Variants in ENPP6 observed in about 807,000 individuals in gnomAD.
ENPP6 encodes glycerophosphocholine cholinephosphodiesterase ENPP6.
ENPP6 carries 32 observed loss-of-function variants against 42.0 expected under a neutral mutation model. The ratio of observed to expected loss-of-function variants is 0.76; its 90% CI spans 0.58 to 1.02. ENPP6 has a LOEUF of 1.02. ENPP6 is among the 50% of genes least tolerant of loss of function. The pLI is 0.00. For missense variants in ENPP6, 552 were observed against 566.8 expected (o/e 0.97, Z 0.27); for synonymous variants, 213 against 216.0 (o/e 0.99, Z 0.12).
At chr4:184,102,679 C>T (rs1736026407) in intron 6 of ENPP6, among the ~76,000 whole-genome samples, 1 of 152,220 alleles carries the variant, frequency 6.6e-6, no homozygotes, top group African/African-American at 2.4e-5. Flanking sequence ...TGTTGCAGGG[C>T]CTTGCCTGGT....
intron 1 of ENPP6, among the ~76,000 whole-genome samples, chr4:184,190,096 C>A (rs1383240390): frequency 6.6e-6 from 1 of 152,190 alleles, no homozygotes; most frequent in African/African-American, 2.4e-5. Flanking sequence ...ACCTACCACA[C>A]ACCATGTCGC....
chr4:184,137,405 T>C (rs953979292), intron 2 of ENPP6, among the ~76,000 whole-genome samples: 2 of 152,150 alleles, frequency 1.3e-5, no homozygotes, highest in African/African-American at 4.8e-5. Flanking sequence ...CCTATAGTGG[T>C]TTTGGGTCTA....
At chr4:184,153,462 C>T (rs1737091915) in intron 2 of ENPP6, 92 bp downstream of exon 2, 2 of 1,398,034 alleles carry the variant, frequency 1.4e-6, no homozygotes, top group South Asian at 3.0e-5. Flanking sequence ...TTTTCCAAAC[C>T]ACGGCTTGGT....
chr4:184,116,394 T>C (rs1350947201), intron 5 of ENPP6, among the ~76,000 whole-genome samples: 1 of 152,094 alleles, frequency 6.6e-6, no homozygotes, highest in Admixed American at 6.5e-5. Flanking sequence ...AGGTCATCTG[T>C]CTCCAGCACC....
chr4:184,206,420 G>A (rs1733001357), intron 1 of ENPP6, among the ~76,000 whole-genome samples: 1 of 116,658 alleles, frequency 8.6e-6, no homozygotes, highest in African/African-American at 3.4e-5. Context: ...ACCAGGCCCG[G>A]CTAATTTTTG....
intron 1 of ENPP6, among the ~76,000 whole-genome samples, chr4:184,171,317 G>A (rs1737457483): frequency 6.6e-6 from 1 of 152,226 alleles, no homozygotes; most frequent in Admixed American, 6.5e-5. Context: ...TGGTGACCAT[G>A]CTCCAGGCAT....
At chr4:184,193,248 T>C (rs1360762332) in intron 1 of ENPP6, among the ~76,000 whole-genome samples, 3 of 152,190 alleles carry the variant, frequency 2.0e-5, no homozygotes, top group Admixed American at 2.0e-4. Flanking sequence ...TGTTCATCGA[T>C]TGGTGAATGA....
At chr4:184,179,054 C>T (rs545826192) in intron 1 of ENPP6, among the ~76,000 whole-genome samples, 10 of 152,156 alleles carry the variant, frequency 6.6e-5, no homozygotes, top group East Asian at 3.9e-4. Context: ...ATGGGATAAA[C>T]GTCCCAATTA....
chr4:184,117,245 G>A (rs924430913), intron 4 of ENPP6, among the ~76,000 whole-genome samples: 3 of 152,172 alleles, frequency 2.0e-5, no homozygotes, highest in Non-Finnish European at 2.9e-5. Context: ...CTCAATTCGT[G>A]CTGACACCTT....
intron 1 of ENPP6, among the ~76,000 whole-genome samples, chr4:184,214,905 G>A (rs1394410602): frequency 2.6e-5 from 4 of 152,106 alleles, no homozygotes; most frequent in South Asian, 4.1e-4. Flanking sequence ...TCTAGATGAC[G>A]AGTTGACAGG....
At chr4:184,151,167 G>A (rs1454666121) in intron 2 of ENPP6, among the ~76,000 whole-genome samples, 1 of 152,146 alleles carries the variant, frequency 6.6e-6, no homozygotes, top group Non-Finnish European at 1.5e-5. Context: ...GTAAAACCCT[G>A]TCTCTACCAA....
chr4:184,136,082 A>G (rs1672620926), intron 2 of ENPP6, among the ~76,000 whole-genome samples: 1 of 152,038 alleles, frequency 6.6e-6, no homozygotes, highest in Admixed American at 6.5e-5. Context: ...CATTATTATT[A>G]TTGTGCCATT....
chr4:184,113,898 C>T (rs1438082924), intron 5 of ENPP6, among the ~76,000 whole-genome samples: 1 of 122,736 alleles, frequency 8.1e-6, no homozygotes, highest in Non-Finnish European at 1.8e-5. Context: ...TCCTTTCTTT[C>T]TTTTCTTTCT....
Position 184,088,739 on chromosome 4 carries a change from CCTCA to C in ENPP6, c.*2434_*2437del. 6.6e-6 allele frequency: 1 copy of C among 152,060 alleles called. No individual in the cohort carries two copies. Among genetic ancestry groups the C allele is most frequent in the East Asian group, 1.9e-4 (1 of 5,184 alleles). The allele number at this position is 152,060 out of a possible 1,614,324, so 9.4% of individuals were successfully genotyped here. On this transcript the variant is annotated 3_prime_UTR_variant, in exon 8 of 8. Transcript: ENST00000296741. ...TTAAGTAAAAAGCTTTATTTTTTTC[CCTCA>C]GTGTCTGAATCTTCTTTATTGTTTA...
chr4:184,206,315 T>C (rs189762593), intron 1 of ENPP6, among the ~76,000 whole-genome samples: 2,846 of 117,656 alleles, frequency 0.024, 120 homozygotes, highest in Non-Finnish European at 0.032. Flanking sequence ...TGGAGTGCAG[T>C]GGCGCGATCT....
At chr4:184,149,938 A>G (rs1220344237) in intron 2 of ENPP6, among the ~76,000 whole-genome samples, 2 of 152,042 alleles carry the variant, frequency 1.3e-5, no homozygotes, top group Non-Finnish European at 2.9e-5. Flanking sequence ...TATGAAGTGA[A>G]TGTTGGAGTC....
At chr4:184,173,048 C>T (rs12642152) in intron 1 of ENPP6, among the ~76,000 whole-genome samples, 107,354 of 151,866 alleles carry the variant, frequency 0.71, 40,925 homozygotes, top group East Asian at 0.98. Context: ...GGTCTACAGG[C>T]GCCCGTCACC....
intron 1 of ENPP6, among the ~76,000 whole-genome samples, chr4:184,206,693 A>G (rs886460819): frequency 3.3e-5 from 5 of 152,206 alleles, no homozygotes; most frequent in African/African-American, 1.2e-4. Flanking sequence ...GGTGGTAGGA[A>G]GTATACCTTA....
intron 1 of ENPP6, among the ~76,000 whole-genome samples, chr4:184,192,142 T>C (rs569021630): frequency 1.3e-5 from 2 of 152,306 alleles, no homozygotes; most frequent in African/African-American, 2.4e-5. Flanking sequence ...AAATTTAATA[T>C]GAAAGTACAA....
Sources: gnomAD v4.1 joint callset for allele counts (sites outside exome capture counted in the v4.1 genomes callset) on GRCh38, gnomAD v4.1.1 for gene constraint, MANE v1.5 for transcripts, NCBI Gene and HGNC (gene_info 2026-07-23, HGNC 2026-07-21) for gene names.